The following GABRB1 variants were observed in gnomAD, a reference collection of about 807,000 sequenced individuals.
The protein encoded by GABRB1 is gamma-aminobutyric acid type A receptor subunit beta1, also known as gamma-aminobutyric acid receptor subunit beta-1.
GABRB1 carries 17 observed loss-of-function variants against 51.6 expected under a neutral mutation model. That is an observed-to-expected ratio of 0.33 (90% CI 0.23 to 0.49). The LOEUF is 0.49. Ranked by LOEUF, GABRB1 falls within the 20% of genes least tolerant of loss-of-function variation. GABRB1 has a pLI of 0.99. For missense variants in GABRB1, 410 were observed against 600.6 expected, an observed-to-expected ratio of 0.68 and a Z score of 3.32; for synonymous variants, 247 against 218.9, an observed-to-expected ratio of 1.13 and a Z score of -1.14.
At chr4:47,116,682 T>G (rs557943326) in intron 3 of GABRB1, among the ~76,000 whole-genome samples, 27 of 152,342 alleles carry the variant, frequency 1.8e-4, no homozygotes, top group African/African-American at 6.3e-4. Context: ...ATTATTATTG[T>G]TGTAATTACA....
At chr4:47,057,062 G>A (rs561613039) in intron 3 of GABRB1, among the ~76,000 whole-genome samples, 28 of 152,180 alleles carry the variant, frequency 1.8e-4, no homozygotes, top group Admixed American at 3.9e-4. Context: ...CCGAGATCAC[G>A]CCGCTGCACT....
chr4:47,316,158 A>G (rs1469208925), intron 4 of GABRB1, among the ~76,000 whole-genome samples: 1 of 151,872 alleles, frequency 6.6e-6, no homozygotes, highest in Non-Finnish European at 1.5e-5. Context: ...TAAAATATAC[A>G]TATATAATTT....
intron 4 of GABRB1, among the ~76,000 whole-genome samples, chr4:47,267,614 G>A (rs2109888261): frequency 6.6e-6 from 1 of 152,138 alleles, no homozygotes; most frequent in African/African-American, 2.4e-5. Flanking sequence ...GGCCAACAAT[G>A]CAAAACCCCA....
At chr4:47,265,915 T>C (rs1035126349) in intron 4 of GABRB1, among the ~76,000 whole-genome samples, 3 of 152,312 alleles carry the variant, frequency 2.0e-5, no homozygotes, top group Admixed American at 1.3e-4. Flanking sequence ...ACTCTGTTGA[T>C]TGTTTCTTTT....
At chr4:47,306,303 T>C (rs1393176709) in intron 4 of GABRB1, among the ~76,000 whole-genome samples, 1 of 60,074 alleles carries the variant, frequency 1.7e-5, no homozygotes, top group African/African-American at 6.3e-5. Flanking sequence ...AAAAGAGGGA[T>C]GGGAAGAGGA....
At chr4:47,355,017 T>TCTCTGTCA (rs1726512399) in intron 5 of GABRB1, among the ~76,000 whole-genome samples, 3 of 120,084 alleles carry the variant, frequency 2.5e-5, no homozygotes, top group Non-Finnish European at 5.1e-5. Context: ...ACAGAATCTC[T>TCTCTGTCA]CTCTGTCACC....
At chr4:47,242,629 G>C (rs1721570145) in intron 4 of GABRB1, among the ~76,000 whole-genome samples, 1 of 152,168 alleles carries the variant, frequency 6.6e-6, no homozygotes, top group African/African-American at 2.4e-5. Flanking sequence ...ACATTTCTCT[G>C]ATGGCCAGTG....
intron 3 of GABRB1, among the ~76,000 whole-genome samples, chr4:47,084,796 G>A (rs1165012327): frequency 6.6e-6 from 1 of 152,178 alleles, no homozygotes; most frequent in Non-Finnish European, 1.5e-5. Flanking sequence ...GCCAGGAACA[G>A]GACCCTTAAA....
At chr4:47,239,127 T>G (rs1279336687) in intron 4 of GABRB1, among the ~76,000 whole-genome samples, 1 of 152,224 alleles carries the variant, frequency 6.6e-6, no homozygotes, top group Non-Finnish European at 1.5e-5. Context: ...AAACTGATAT[T>G]AAATGTTCAG....
Position 47,426,118 on chromosome 4 carries a change from A to T in GABRB1, c.*100A>T. 2.0e-6 allele frequency: 2 copies of T among 976,788 alleles called. No individual in the cohort carries two copies. Among genetic ancestry groups the T allele is most frequent in the Non-Finnish European group, 3.0e-6 (2 of 662,810 alleles). The allele number at this position is 976,788 out of a possible 1,614,324, so 60.5% of individuals were successfully genotyped here. On this transcript the variant is annotated 3_prime_UTR_variant, in exon 9 of 9. Transcript: ENST00000295454. ...ATACTGCTGTTTCTCGAGGTAAGAG[A>T]TTCAGCCATCCAATTGGTTTTAGGT...
chr4:47,215,542 A>T (rs1221500018), intron 4 of GABRB1, among the ~76,000 whole-genome samples: 1 of 152,078 alleles, frequency 6.6e-6, no homozygotes, highest in Non-Finnish European at 1.5e-5. Context: ...TGGATAAATA[A>T]ATAAGGTATA....
chr4:47,201,388 A>G (rs1045883965), intron 4 of GABRB1, among the ~76,000 whole-genome samples: 1 of 152,208 alleles, frequency 6.6e-6, no homozygotes, highest in East Asian at 1.9e-4. Flanking sequence ...TTACATGTCT[A>G]TATTTCATGG....
At chr4:47,289,429 G>T (rs1286532621) in intron 4 of GABRB1, among the ~76,000 whole-genome samples, 1 of 152,184 alleles carries the variant, frequency 6.6e-6, no homozygotes, top group Non-Finnish European at 1.5e-5. Flanking sequence ...GGGTGGGGAA[G>T]ATTTTTCATA....
chr4:46,999,033 C>T (rs74686024), intron 1 of GABRB1, among the ~76,000 whole-genome samples: 2,210 of 151,946 alleles, frequency 0.015, 36 homozygotes, highest in Non-Finnish European at 0.021. Context: ...ATGGTATGTG[C>T]GAATTTTTAG....
intron 3 of GABRB1, among the ~76,000 whole-genome samples, chr4:47,110,593 C>A (rs1715174713): frequency 6.6e-6 from 1 of 152,120 alleles, no homozygotes; most frequent in Admixed American, 6.5e-5. Flanking sequence ...TTCCAAAAGG[C>A]ATCTAAGGGA....
At chr4:47,190,665 TAAG>T (rs1413141638) in intron 4 of GABRB1, among the ~76,000 whole-genome samples, 1 of 152,132 alleles carries the variant, frequency 6.6e-6, no homozygotes, top group African/African-American at 2.4e-5. Flanking sequence ...ACATAGGTAA[TAAG>T]AAGGAGGACC....
chr4:47,361,011 C>G (rs762584153), intron 5 of GABRB1, among the ~76,000 whole-genome samples: 5 of 151,984 alleles, frequency 3.3e-5, no homozygotes, highest in Non-Finnish European at 5.9e-5. Context: ...ATTGAAATCA[C>G]AGAAATTTTG....
chr4:47,071,647 C>CTTTTTTTTTTTTT (rs751213665), intron 3 of GABRB1, among the ~76,000 whole-genome samples: 2 of 139,854 alleles, frequency 1.4e-5, no homozygotes, highest in African/African-American at 2.6e-5. Flanking sequence ...ATTTTTTTTT[C>CTTTTTTTTTTTTT]TTTTTTTTTT....
At chr4:47,228,682 A>C (rs1721037338) in intron 4 of GABRB1, among the ~76,000 whole-genome samples, 1 of 152,132 alleles carries the variant, frequency 6.6e-6, no homozygotes, top group African/African-American at 2.4e-5. Flanking sequence ...AGGACTGGGC[A>C]CAGGGAGAAG....
Sources: allele counts gnomAD v4.1 joint callset (sites outside exome capture counted in the v4.1 genomes callset), GRCh38; gene constraint gnomAD v4.1.1; transcripts MANE v1.5; gene names NCBI Gene and HGNC (gene_info 2026-07-23, HGNC 2026-07-21).